Variants in NTN4 observed in about 807,000 individuals in gnomAD.
The protein encoded by NTN4 is netrin-4.
Under a neutral mutation model 73.6 loss-of-function variants are expected in NTN4, and 32 were observed. The observed-to-expected ratio is 0.44, with a 90% CI of 0.33 to 0.58. The LOEUF is 0.58. Among genes scored for constraint, NTN4 ranks in the 20% least tolerant of loss-of-function variants. The probability of loss-of-function intolerance (pLI) is 0.04; values close to 1 mark genes in which losing one functional copy is unlikely to be tolerated. For synonymous variants in NTN4, 258 were observed against 287.5 expected, an observed-to-expected ratio of 0.90 and a Z score of 1.04; for missense variants, 654 against 798.3, an observed-to-expected ratio of 0.82 and a Z score of 2.18.
intron 2 of NTN4, among the ~76,000 whole-genome samples, chr12:95,751,721 G>A (rs1395381825): frequency 1.3e-5 from 2 of 151,834 alleles, no homozygotes; most frequent in African/African-American, 4.8e-5. Context: ...AACTCACAGT[G>A]GAAGGTAAGG....
chr12:95,766,504 A>G (rs1295309603), intron 2 of NTN4, among the ~76,000 whole-genome samples: 1 of 152,244 alleles, frequency 6.6e-6, no homozygotes, highest in Non-Finnish European at 1.5e-5. Flanking sequence ...TTTTTTAGAA[A>G]GTTATTTGGT....
chr12:95,775,795 G>A (rs1225146638), intron 2 of NTN4, among the ~76,000 whole-genome samples: 1 of 152,242 alleles, frequency 6.6e-6, no homozygotes, highest in Non-Finnish European at 1.5e-5. Context: ...AACCTCTGCA[G>A]ACTTAAATGT....
Position 95,790,363 on chromosome 12 carries a change from AC to A in NTN4, c.-55del. On this transcript the variant is annotated 5_prime_UTR_variant, in exon 1 of 10. Coordinates refer to ENST00000343702, the MANE Select transcript of NTN4 (RefSeq NM_021229.4). This position sits in a 1 kb window ranked among gnomAD's most constrained non-coding sequence, Gnocchi z 6.5. Reference sequence around the variant, plus strand: ...CGGGCGGGTGCCGGAGGGAGCCGAGACCTCTGGGCTGCGGGATGAAGCGCCG... The same window carrying A: ...CGGGCGGGTGCCGGAGGGAGCCGAGACTCTGGGCTGCGGGATGAAGCGCCG... The A allele has an allele frequency of 1.3e-5, 18 of 1,430,750 alleles. No individual in the cohort carries two copies. The highest frequency in any genetic ancestry group is 1.6e-5 in the Non-Finnish European group (17 of 1,070,410). The allele number at this position is 1,430,750 out of a possible 1,614,324, so 88.6% of individuals were successfully genotyped here. A position where few individuals can be genotyped will look rare whatever the true frequency, so the allele number is the denominator to read the frequency against.
intron 5 of NTN4, among the ~76,000 whole-genome samples, chr12:95,699,385 TA>T (rs2078466028): frequency 6.6e-6 from 1 of 152,194 alleles, no homozygotes; most frequent in Admixed American, 6.5e-5. Flanking sequence ...TTAATTAGTG[TA>T]AAAATTGTAC....
intron 7 of NTN4, chr12:95,670,994 ATT>A (rs1369535111): frequency 1.0e-4 from 15 of 150,338 alleles, no homozygotes; most frequent in South Asian, 2.1e-4. Context: ...GTATGTATAT[ATT>A]TATTTATTTA....
chr12:95,781,584 C>T lies in NTN4; in HGVS notation c.585+5355G>A, dbSNP rs1484024965. 6.6e-6 allele frequency among the ~76,000 whole-genome samples: 1 copy of T among 152,190 alleles called. No homozygotes were observed. Among genetic ancestry groups the T allele is most frequent in the African/African-American group, 2.4e-5 (1 of 41,442 alleles). On this transcript the variant is annotated intron_variant, in intron 2 of 9. Coordinates refer to ENST00000343702, the MANE Select transcript of NTN4 (RefSeq NM_021229.4). The surrounding 1 kb of genome is among the most constrained non-coding windows in gnomAD (Gnocchi z 4.1). The stretch of plus-strand genomic sequence containing the variant: ...CATTTACCTATGCAACAAACCTGCA[C>T]ATGCTGCACATGTACCCCTGCACTT...
chr12:95,666,167 T>A (rs1484671398), intron 8 of NTN4, among the ~76,000 whole-genome samples, 187 bp from the exon 9 acceptor site: 1 of 152,136 alleles, frequency 6.6e-6, no homozygotes, highest in African/African-American at 2.4e-5. Flanking sequence ...GGAAAGTAAC[T>A]CAGGAATGGA....
chr12:95,673,009 GA>G, intron 7 of NTN4: 1 of 1,350,710 alleles, frequency 7.4e-7, no homozygotes, highest in Non-Finnish European at 1.1e-6. Flanking sequence ...CCTGGGGGAT[GA>G]AGGGACCCTG....
chr12:95,771,516 A>C (rs924164601), intron 2 of NTN4, among the ~76,000 whole-genome samples: 3 of 152,200 alleles, frequency 2.0e-5, no homozygotes, highest in Non-Finnish European at 4.4e-5. Context: ...TGGGATTGTC[A>C]AAGTAGATGC....
intron 3 of NTN4, among the ~76,000 whole-genome samples, chr12:95,728,554 G>C (rs565238394): frequency 1.1e-3 from 167 of 152,290 alleles, no homozygotes; most frequent in Admixed American, 3.9e-3. Context: ...AAGACAAATA[G>C]GCTACAGGAT....
rs191158514 is a variant in NTN4 at position 95,683,757 on chromosome 12, A to G, written c.1181-46T>C. ...AAGGATCAAAGACTGACTGTAGATC[A>G]CCCGTGTGAACATTAGGCTTGACCA... On this transcript the variant is annotated intron_variant, in intron 5 of 9. Coordinates refer to ENST00000343702, the MANE Select transcript of NTN4 (RefSeq NM_021229.4). The G allele has an allele frequency of 2.2e-5, 32 of 1,467,352 alleles. No homozygotes were observed. In the African/African-American group the frequency reaches 4.5e-4, roughly 20 times the overall value. 90.9% of individuals were successfully genotyped at this position (1,467,352 alleles called of 1,614,324 possible). A position where few individuals can be genotyped will look rare whatever the true frequency, so the allele number is the denominator to read the frequency against.
chr12:95,721,599 G>GAT (rs962787397), intron 3 of NTN4, among the ~76,000 whole-genome samples: 39 of 152,240 alleles, frequency 2.6e-4, no homozygotes, highest in African/African-American at 9.4e-4. Context: ...GCTCTTTGTG[G>GAT]ATAGCACCTC....
chr12:95,686,162 A>C (rs1198508031), intron 5 of NTN4, among the ~76,000 whole-genome samples: 5 of 152,128 alleles, frequency 3.3e-5, no homozygotes, highest in African/African-American at 1.2e-4. Flanking sequence ...AAGTGCTGGG[A>C]TTACAGGTGC....
Position 95,678,778 on chromosome 12 carries a change from C to CA in NTN4, c.1510+3928dup, listed in dbSNP as rs78863537. On this transcript the variant is annotated intron_variant, in intron 7 of 9. Transcript: ENST00000343702. ...AGTCGCTGGATACAAGCTCAAAATACAAAAAAAAAGTGACACATATACATT... is the reference window on the plus strand; with the variant it reads ...AGTCGCTGGATACAAGCTCAAAATACAAAAAAAAAAGTGACACATATACATT... Among the ~76,000 whole-genome samples, 38 of 149,468 alleles carry CA rather than the reference C, an allele frequency of 2.5e-4. 1 individual carries two copies. The highest frequency in any genetic ancestry group is 3.4e-3 in the Middle Eastern group (1 of 292).
chr12:95,733,427 G>A (rs1404842932), intron 3 of NTN4, among the ~76,000 whole-genome samples: 1 of 152,244 alleles, frequency 6.6e-6, no homozygotes, highest in Non-Finnish European at 1.5e-5. Flanking sequence ...TGAAGGAGAA[G>A]AGTAGAGGTA....
chr12:95,676,412 TA>T (rs201313140), intron 7 of NTN4, among the ~76,000 whole-genome samples: 160 of 144,322 alleles, frequency 1.1e-3, no homozygotes, highest in Middle Eastern at 7.1e-3. Flanking sequence ...CAGCCCCGGG[TA>T]AAAAAAAAAA....
At position 95,693,560 on chromosome 12, in the gene NTN4, G is replaced by A. The variant is rs571077287; in HGVS notation, c.1181-9849C>T. ...AGCCCGAGAAACATGGTGAAAGTCC[G>A]TCTCTACTAAAAATACAAAAATTAG... On this transcript the variant is annotated intron_variant, in intron 5 of 9. Transcript: ENST00000343702. 9.2e-5 allele frequency among the ~76,000 whole-genome samples: 14 copies of A among 151,634 alleles called. No individual in the cohort carries two copies. In the South Asian group the frequency reaches 2.5e-3, roughly 27 times the overall value.
chr12:95,718,507 C>T (rs557651191), intron 3 of NTN4, among the ~76,000 whole-genome samples: 1 of 152,146 alleles, frequency 6.6e-6, no homozygotes, highest in South Asian at 2.1e-4. Context: ...GATTTCAAGG[C>T]CTGTTTCTCT....
intron 7 of NTN4, among the ~76,000 whole-genome samples, chr12:95,680,621 A>G (rs756430038): frequency 6.6e-6 from 1 of 152,270 alleles, no homozygotes; most frequent in African/African-American, 2.4e-5. Context: ...AGAGAATAAA[A>G]ATGGTATATT....
Sources: gnomAD v4.1 joint callset for allele counts (sites outside exome capture counted in the v4.1 genomes callset) on GRCh38, gnomAD v4.1.1 for gene constraint, Gnocchi (gnomAD v3.1) non-coding constraint, MANE v1.5 for transcripts, NCBI Gene and HGNC (gene_info 2026-07-23, HGNC 2026-07-21) for gene names.